Variants in GXYLT1 observed in about 807,000 individuals in gnomAD.
The protein encoded by GXYLT1 is glycosyltransferase 8 domain containing 3.
In GXYLT1, 29 loss-of-function variants were observed where a neutral mutation model predicts 54.0. That is an observed-to-expected ratio of 0.54 (90% CI 0.40 to 0.73). The LOEUF is 0.73. GXYLT1 is among the 30% of genes least tolerant of loss of function. The pLI, the probability that GXYLT1 is intolerant of heterozygous loss-of-function variation, is 0.00. For synonymous variants in GXYLT1, 176 were observed against 204.1 expected (o/e 0.86, Z 1.17); for missense variants, 490 against 553.4 (o/e 0.89, Z 1.15).
At chr12:42,105,720 T>C in intron 5 of GXYLT1, 98 bp downstream of exon 5, 1 of 778,976 alleles carries the variant, frequency 1.3e-6, no homozygotes, top group Non-Finnish European at 2.0e-6. Context: ...AAAAATTATT[T>C]ATAGTTCAAT....
chr12:42,105,301 T>G (rs997886200), intron 5 of GXYLT1, among the ~76,000 whole-genome samples: 3 of 152,238 alleles, frequency 2.0e-5, no homozygotes, highest in Non-Finnish European at 4.4e-5. Context: ...TTAAGTTAAC[T>G]TCCAATAACA....
intron 5 of GXYLT1, among the ~76,000 whole-genome samples, chr12:42,104,214 A>T (rs754294930): frequency 2.0e-5 from 3 of 151,386 alleles, no homozygotes; most frequent in Non-Finnish European, 4.4e-5. Flanking sequence ...CTAAACTTCT[A>T]TTAATTTCAT....
chr12:42,126,467 A>T (rs944463163), intron 2 of GXYLT1, among the ~76,000 whole-genome samples: 2 of 152,214 alleles, frequency 1.3e-5, no homozygotes, highest in African/African-American at 4.8e-5. Context: ...TGTTTTAAAG[A>T]CATAAAGCCA....
At chr12:42,105,308 A>G (rs1460489833) in intron 5 of GXYLT1, among the ~76,000 whole-genome samples, 1 of 152,224 alleles carries the variant, frequency 6.6e-6, no homozygotes, top group Non-Finnish European at 1.5e-5. Flanking sequence ...AACTTCCAAT[A>G]ACACCATAAT....
Position 42,106,074 on chromosome 12 carries a change from A to G in GXYLT1, c.613-5T>C, listed in dbSNP as rs1356094998. 1 of 1,587,562 alleles carries G rather than the reference A, an allele frequency of 6.3e-7. No homozygotes were observed. Among genetic ancestry groups the G allele is most frequent in the Admixed American group, 1.7e-5 (1 of 58,454 alleles). On this transcript the variant is annotated splice_polypyrimidine_tract_variant and splice_region_variant and intron_variant, in intron 4 of 7. Coordinates refer to ENST00000398675, the MANE Select transcript of GXYLT1 (RefSeq NM_173601.2). ...GTCAACTTCTTTCAGGATTAACTAC[A>G]AGGAGAGATATTTGAATGATTAACT... is the stretch of plus-strand genomic sequence containing the variant.
At position 42,097,422 on chromosome 12, in the gene GXYLT1, A is replaced by C. The variant is rs2065361638; in HGVS notation, c.1161+20T>G. ...GTATTTTCAAACAAAAAGTTAAAAA[A>C]AAGGAAAGGCAAATCTTACATTTCT... On this transcript the variant is annotated intron_variant, in intron 7 of 7. Coordinates refer to ENST00000398675, the MANE Select transcript of GXYLT1 (RefSeq NM_173601.2). 1 of 1,531,694 alleles carries C rather than the reference A, an allele frequency of 6.5e-7. No individual in the cohort carries two copies. The highest frequency in any genetic ancestry group is 8.7e-7 in the Non-Finnish European group (1 of 1,152,166). 94.9% of individuals were successfully genotyped at this position (1,531,694 alleles called of 1,614,324 possible).
chr12:42,100,718 ACT>A (rs2065384961), intron 5 of GXYLT1, among the ~76,000 whole-genome samples: 1 of 152,090 alleles, frequency 6.6e-6, no homozygotes, highest in Admixed American at 6.5e-5. Flanking sequence ...TGAAAAGATA[ACT>A]CTTAGAAATA....
At chr12:42,112,458 G>T (rs1185950973) in intron 3 of GXYLT1, among the ~76,000 whole-genome samples, 1 of 152,172 alleles carries the variant, frequency 6.6e-6, no homozygotes. Context: ...GGACCTGATG[G>T]AGCTGAAAAC....
rs2065668006 is a variant in GXYLT1, at chr12:42,144,344, C to A, written c.221+82G>T. On this transcript the variant is annotated intron_variant, in intron 1 of 7. Transcript: ENST00000398675. The stretch of plus-strand genomic sequence containing the variant: ...AAAGACGCGGGAGACGCGGCACCCA[C>A]CGGCGAGCAGCCCGGGCTAGGCCGA... The A allele has an allele frequency of 7.8e-6, 7 of 900,672 alleles. No individual in the cohort carries two copies. In the South Asian group the frequency reaches 8.8e-5, roughly 11 times the overall value. 55.8% of individuals were successfully genotyped at this position (900,672 alleles called of 1,614,324 possible). A position where few individuals can be genotyped will look rare whatever the true frequency, so the allele number is the denominator to read the frequency against.
intron 3 of GXYLT1, among the ~76,000 whole-genome samples, chr12:42,113,326 C>A (rs12310121): frequency 0.016 from 2,409 of 151,206 alleles, 200 homozygotes; most frequent in African/African-American, 0.057. Flanking sequence ...AATTAAAAGA[C>A]ACAGACTGGC....
intron 3 of GXYLT1, among the ~76,000 whole-genome samples, chr12:42,111,177 C>T (rs2065451945): frequency 6.6e-6 from 1 of 152,234 alleles, no homozygotes; most frequent in Non-Finnish European, 1.5e-5. Flanking sequence ...ATAGGAACAG[C>T]TTTGGTCGAC....
At chr12:42,122,399 G>T (rs1023481687) in intron 2 of GXYLT1, among the ~76,000 whole-genome samples, 23 of 152,266 alleles carry the variant, frequency 1.5e-4, no homozygotes, top group Admixed American at 2.0e-4. Context: ...AGACCAGGCT[G>T]GCCAACATGG....
At chr12:42,138,936 G>A (rs2065636457) in intron 1 of GXYLT1, among the ~76,000 whole-genome samples, 1 of 152,120 alleles carries the variant, frequency 6.6e-6, no homozygotes, top group Non-Finnish European at 1.5e-5. Flanking sequence ...TACTTGTGAG[G>A]CTGAGGCAGG....
chr12:42,110,391 G>A (rs1051200201), intron 3 of GXYLT1, among the ~76,000 whole-genome samples: 4 of 152,058 alleles, frequency 2.6e-5, no homozygotes, highest in Admixed American at 2.6e-4. Context: ...CAATCTATGG[G>A]GGGGAAAAAA....
intron 3 of GXYLT1, among the ~76,000 whole-genome samples, chr12:42,112,686 G>T (rs557324168): frequency 6.6e-6 from 1 of 152,180 alleles, no homozygotes; most frequent in African/African-American, 2.4e-5. Context: ...GAAAGTGACG[G>T]AGAGAATGGA....
chr12:42,138,508 CA>C (rs2136921946), intron 1 of GXYLT1, among the ~76,000 whole-genome samples: 1 of 149,394 alleles, frequency 6.7e-6, no homozygotes, highest in East Asian at 2.0e-4. Flanking sequence ...CCAGCTCCCC[CA>C]CAAAGCTGGA....
chr12:42,140,200 CG>C (rs1188871012), intron 1 of GXYLT1, among the ~76,000 whole-genome samples: 19,265 of 38,372 alleles, frequency 0.5, 4,156 homozygotes, highest in South Asian at 0.66. Flanking sequence ...AAAAAAAAGG[CG>C]GGGGGGGGGG....
Position 42,144,668 on chromosome 12 carries a change from T to TCGTCGCCGCCGCCGCCGC in GXYLT1, c.-23_-22insGCGGCGGCGGCGGCGACG. 3 of 1,380,352 alleles carry TCGTCGCCGCCGCCGCCGC rather than the reference T, an allele frequency of 2.2e-6. No homozygotes were observed. Among genetic ancestry groups the TCGTCGCCGCCGCCGCCGC allele is most frequent in the South Asian group, 2.9e-5 (2 of 68,602 alleles). The allele number at this position is 1,380,352 out of a possible 1,614,324, so 85.5% of individuals were successfully genotyped here. A position where few individuals can be genotyped will look rare whatever the true frequency, so the allele number is the denominator to read the frequency against. On this transcript the variant is annotated 5_prime_UTR_variant, in exon 1 of 8. Coordinates refer to ENST00000398675, the MANE Select transcript of GXYLT1 (RefSeq NM_173601.2). ...GCATCGCCCCGGCCGCGCTCCTCCT[T>TCGTCGCCGCCGCCGCCGC]CGCCGCCGCCGCCGCGCCCGCCCCG...
chr12:42,100,287 CAATAAGATTAAGTA>C (rs1258636977), intron 5 of GXYLT1, among the ~76,000 whole-genome samples: 4 of 152,006 alleles, frequency 2.6e-5, no homozygotes, highest in African/African-American at 9.7e-5. Context: ...TCTATGTCCT[CAATAAGATTAAGTA>C]ATTAAGTATA....
Sources: gnomAD v4.1 joint callset for allele counts (sites outside exome capture counted in the v4.1 genomes callset) on GRCh38, gnomAD v4.1.1 for gene constraint, MANE v1.5 for transcripts, NCBI Gene and HGNC (gene_info 2026-07-23, HGNC 2026-07-21) for gene names.